NRXN1: variants seen among roughly 807,000 people sequenced by gnomAD.
NRXN1 encodes neurexin 1.
In NRXN1, 39 loss-of-function variants were observed where a neutral mutation model predicts 150.9. That is an observed-to-expected ratio of 0.26 (90% confidence interval 0.20 to 0.34). NRXN1 has a LOEUF of 0.34. Ranked by LOEUF, NRXN1 falls within the 10% of genes least tolerant of loss-of-function variation. The pLI is 1.00. For missense variants in NRXN1, 1,815 were observed against 1,949.9 expected (o/e 0.93, Z 1.30); for synonymous variants, 924 against 757.0 (o/e 1.22, Z -3.62).
chr2:50,742,987 A>C (rs1038527439), intron 5 of NRXN1, among the ~76,000 whole-genome samples: 1 of 152,208 alleles, frequency 6.6e-6, no homozygotes, highest in African/African-American at 2.4e-5. Flanking sequence ...GGTCACTAGA[A>C]CTTGCTGTAG....
rs934122590 is a variant in NRXN1, at chr2:49,919,325, G to C, written c.*2619C>G. The C allele has an allele frequency of 6.6e-6, 1 of 151,964 alleles. No individual in the cohort carries two copies. The highest frequency in any genetic ancestry group is 1.5e-5 in the Non-Finnish European group (1 of 67,938). 9.4% of individuals were successfully genotyped at this position (151,964 alleles called of 1,614,324 possible). A position where few individuals can be genotyped will look rare whatever the true frequency, so the allele number is the denominator to read the frequency against. Reference sequence around the variant, plus strand: ...TGAGGAAAAAATAATTTTTGCTAGAGTTTGTGTAAGCCAATAATATTAGAA... The same window carrying C: ...TGAGGAAAAAATAATTTTTGCTAGACTTTGTGTAAGCCAATAATATTAGAA... On this transcript the variant is annotated 3_prime_UTR_variant, in exon 23 of 23. Coordinates refer to ENST00000401669, the MANE Select transcript of NRXN1 (RefSeq NM_001330078.2).
chr2:50,024,900 G>A (rs1045365863), intron 21 of NRXN1, among the ~76,000 whole-genome samples: 1 of 152,098 alleles, frequency 6.6e-6, no homozygotes, highest in Non-Finnish European at 1.5e-5. Flanking sequence ...ACAGGCGTGA[G>A]CTACTGTGCC....
chr2:50,359,929 C>T (rs2079072179), intron 17 of NRXN1, among the ~76,000 whole-genome samples: 1 of 152,180 alleles, frequency 6.6e-6, no homozygotes, highest in Non-Finnish European at 1.5e-5. Flanking sequence ...CCCTCCAAGC[C>T]AGAAGAGAGT....
intron 21 of NRXN1, among the ~76,000 whole-genome samples, chr2:49,964,988 G>A (rs1468756876): frequency 2.0e-5 from 3 of 151,968 alleles, no homozygotes; most frequent in Non-Finnish European, 4.4e-5. Flanking sequence ...CTGGGCTCAA[G>A]TGATTCTCCC....
At chr2:50,900,534 C>T (rs938661732) in intron 5 of NRXN1, among the ~76,000 whole-genome samples, 1 of 151,990 alleles carries the variant, frequency 6.6e-6, no homozygotes, top group Non-Finnish European at 1.5e-5. Context: ...GGTGGGAAGG[C>T]GGGTACAAGT....
intron 18 of NRXN1, among the ~76,000 whole-genome samples, chr2:50,096,558 T>G (rs954399406): frequency 1.3e-5 from 2 of 152,202 alleles, no homozygotes; most frequent in Non-Finnish European, 2.9e-5. Context: ...GACATGTCTT[T>G]ATCTCCCTGT....
intron 17 of NRXN1, among the ~76,000 whole-genome samples, chr2:50,255,803 A>G (rs1277294330): frequency 1.3e-5 from 2 of 152,160 alleles, no homozygotes; most frequent in African/African-American, 4.8e-5. Context: ...ACTCATGAGG[A>G]AGAGAGGCCA....
At chr2:50,813,373 C>G (rs1348979943) in intron 5 of NRXN1, among the ~76,000 whole-genome samples, 1 of 151,994 alleles carries the variant, frequency 6.6e-6, no homozygotes, top group African/African-American at 2.4e-5. Flanking sequence ...ACTATCTTCT[C>G]TCGTTTATAG....
intron 5 of NRXN1, among the ~76,000 whole-genome samples, chr2:50,779,853 A>C (rs1704130483): frequency 1.3e-5 from 2 of 152,226 alleles, no homozygotes; most frequent in African/African-American, 4.8e-5. Flanking sequence ...TTTACAGTAG[A>C]ATGATTTATA....
chr2:50,572,033 T>A (rs972225188), intron 8 of NRXN1, among the ~76,000 whole-genome samples: 1 of 151,686 alleles, frequency 6.6e-6, no homozygotes, highest in African/African-American at 2.4e-5. Context: ...CAGAAGGGAG[T>A]TATATTAGAG....
At chr2:50,149,344 C>A (rs1442720920) in intron 18 of NRXN1, among the ~76,000 whole-genome samples, 1 of 151,624 alleles carries the variant, frequency 6.6e-6, no homozygotes, top group Non-Finnish European at 1.5e-5. Flanking sequence ...AAAGTGCTGG[C>A]AAAGAAGTGG....
At chr2:50,606,646 T>C (rs1355017560) in intron 8 of NRXN1, among the ~76,000 whole-genome samples, 2 of 138,968 alleles carry the variant, frequency 1.4e-5, no homozygotes, top group Admixed American at 1.4e-4. Context: ...AAAACTTCTT[T>C]CATATATTAG....
chr2:50,209,765 T>A (rs2062873595), intron 18 of NRXN1, among the ~76,000 whole-genome samples: 1 of 152,030 alleles, frequency 6.6e-6, no homozygotes, highest in South Asian at 2.1e-4. Context: ...ATAATAGATA[T>A]AACTTGGTGT....
intron 2 of NRXN1, among the ~76,000 whole-genome samples, chr2:50,978,299 TATATATAAA>T (rs1459502355): frequency 6.7e-5 from 8 of 119,230 alleles, no homozygotes; most frequent in Non-Finnish European, 1.3e-4. Context: ...TATATATATA[TATATATAAA>T]ATATATATAT....
At chr2:50,094,632 G>C (rs2152702073) in intron 18 of NRXN1, among the ~76,000 whole-genome samples, 1 of 152,284 alleles carries the variant, frequency 6.6e-6, no homozygotes, top group Non-Finnish European at 1.5e-5. Context: ...GGAGCCACTT[G>C]TGCATTAGGG....
intron 16 of NRXN1, among the ~76,000 whole-genome samples, chr2:50,471,275 C>T (rs187729397): frequency 1.3e-4 from 20 of 151,682 alleles, no homozygotes; most frequent in East Asian, 5.9e-4. Context: ...AGCTTGTGAG[C>T]CTCCAATGTC....
intron 5 of NRXN1, among the ~76,000 whole-genome samples, chr2:50,749,533 G>T (rs949531491): frequency 2.0e-5 from 3 of 151,922 alleles, no homozygotes; most frequent in Admixed American, 2.0e-4. Flanking sequence ...GAAAATAGAG[G>T]CTCAGAATAA....
At chr2:50,721,368 A>T (rs1432667792) in intron 5 of NRXN1, among the ~76,000 whole-genome samples, 1 of 152,222 alleles carries the variant, frequency 6.6e-6, no homozygotes, top group Admixed American at 6.5e-5. Context: ...ATTAGAGCTA[A>T]GAACAGGATC....
chr2:50,845,071 G>T (rs944616757), intron 5 of NRXN1, among the ~76,000 whole-genome samples: 1 of 150,854 alleles, frequency 6.6e-6, no homozygotes, highest in African/African-American at 2.4e-5. Flanking sequence ...GCCCAGGCTG[G>T]TCTTGAACTC....
Sources: allele counts gnomAD v4.1 joint callset (sites outside exome capture counted in the v4.1 genomes callset), GRCh38; gene constraint gnomAD v4.1.1; transcripts MANE v1.5; gene names NCBI Gene and HGNC (gene_info 2026-07-23, HGNC 2026-07-21).